BBOX1: variants seen among roughly 807,000 people sequenced by gnomAD.
BBOX1 encodes the protein gamma-butyrobetaine hydroxylase 1.
In BBOX1, 35 loss-of-function variants were observed where a neutral mutation model predicts 41.6. The observed-to-expected ratio is 0.84, with a 90% CI of 0.64 to 1.11. The LOEUF (loss-of-function observed/expected upper bound fraction) is 1.11, where lower values mean the gene tolerates loss of function less well. Among genes scored for constraint, BBOX1 ranks in the 50% most tolerant of loss-of-function variants. BBOX1 has a pLI of 0.00. For synonymous variants in BBOX1, 163 were observed against 154.7 expected (o/e 1.05, Z -0.40); for missense variants, 458 against 460.6 (o/e 0.99, Z 0.05).
intron 2 of BBOX1, among the ~76,000 whole-genome samples, chr11:27,047,989 T>C (rs1163710279): frequency 6.6e-6 from 1 of 152,172 alleles, no homozygotes; most frequent in African/African-American, 2.4e-5. Flanking sequence ...TTGAGGTAAA[T>C]TGACAAATAA....
intron 4 of BBOX1, among the ~76,000 whole-genome samples, chr11:27,092,604 A>G (rs1858286990): frequency 6.6e-6 from 1 of 152,002 alleles, no homozygotes; most frequent in Non-Finnish European, 1.5e-5. Flanking sequence ...TATGCATTCC[A>G]GGAATATACC....
intron 4 of BBOX1, among the ~76,000 whole-genome samples, chr11:27,078,987 T>C (rs531652694): frequency 1.2e-4 from 18 of 152,186 alleles, no homozygotes; most frequent in Non-Finnish European, 2.5e-4. Flanking sequence ...AGATCCTTTC[T>C]GTCTCCCCTT....
intron 4 of BBOX1, among the ~76,000 whole-genome samples, chr11:27,062,056 G>A (rs2197192): frequency 6.6e-6 from 1 of 152,186 alleles, no homozygotes; most frequent in African/African-American, 2.4e-5. Context: ...TTGAAGGGAT[G>A]AAGGAATGAT....
At chr11:27,047,909 T>C (rs1244679165) in intron 2 of BBOX1, among the ~76,000 whole-genome samples, 2 of 152,188 alleles carry the variant, frequency 1.3e-5, no homozygotes. Context: ...ACTACTATTG[T>C]AATCTTACCG....
At chr11:27,069,323 T>C (rs2133988786) in intron 4 of BBOX1, among the ~76,000 whole-genome samples, 1 of 152,090 alleles carries the variant, frequency 6.6e-6, no homozygotes, top group East Asian at 1.9e-4. Flanking sequence ...TCCTGGATTT[T>C]GTTTTGCAGC....
At chr11:27,090,880 C>T (rs754057344) in intron 4 of BBOX1, among the ~76,000 whole-genome samples, 1 of 151,906 alleles carries the variant, frequency 6.6e-6, no homozygotes. Flanking sequence ...TTAGCGATCT[C>T]TTCCCTACTT....
intron 4 of BBOX1, among the ~76,000 whole-genome samples, chr11:27,068,332 T>C (rs1201534216): frequency 2.6e-5 from 4 of 152,192 alleles, no homozygotes; most frequent in African/African-American, 4.8e-5. Flanking sequence ...CTAGTGATGC[T>C]GAGCATTTTT....
intron 4 of BBOX1, among the ~76,000 whole-genome samples, chr11:27,069,852 G>A (rs1156863300): frequency 6.6e-6 from 1 of 152,084 alleles, no homozygotes; most frequent in Non-Finnish European, 1.5e-5. Context: ...CTAAAGGGAT[G>A]CTGAATTTTA....
At chr11:27,053,897 A>C (rs1455714736) in intron 2 of BBOX1, among the ~76,000 whole-genome samples, 1 of 152,184 alleles carries the variant, frequency 6.6e-6, no homozygotes, top group African/African-American at 2.4e-5. Context: ...ATTGTATTTC[A>C]CACATGCAAT....
At chr11:27,092,956 G>A (rs546135194) in intron 4 of BBOX1, among the ~76,000 whole-genome samples, 116 of 152,040 alleles carry the variant, frequency 7.6e-4, no homozygotes, top group African/African-American at 2.3e-3. Flanking sequence ...CTATGGGCCA[G>A]ACACAGTTAT....
chr11:27,080,772 T>C (rs996001140), intron 4 of BBOX1, among the ~76,000 whole-genome samples: 1 of 152,062 alleles, frequency 6.6e-6, no homozygotes, highest in Non-Finnish European at 1.5e-5. Context: ...TGTGGAAGAT[T>C]TGAGGATAGA....
intron 4 of BBOX1, among the ~76,000 whole-genome samples, chr11:27,079,310 A>G (rs1857751316): frequency 6.6e-6 from 1 of 152,204 alleles, no homozygotes. Context: ...ATTCCAATCA[A>G]GAATATAGAA....
intron 4 of BBOX1, among the ~76,000 whole-genome samples, chr11:27,080,938 T>C (rs1243532831): frequency 6.6e-6 from 1 of 152,184 alleles, no homozygotes; most frequent in Non-Finnish European, 1.5e-5. Context: ...AAATTCTTGA[T>C]AGATATTATC....
chr11:27,103,238 G>C (rs561597679), intron 5 of BBOX1, among the ~76,000 whole-genome samples: 1 of 152,220 alleles, frequency 6.6e-6, no homozygotes, highest in Non-Finnish European at 1.5e-5. Flanking sequence ...TGTTGTTGTT[G>C]TTTAAAGTCT....
At chr11:27,049,229 T>G (rs1200609197) in intron 2 of BBOX1, among the ~76,000 whole-genome samples, 1 of 152,048 alleles carries the variant, frequency 6.6e-6, no homozygotes, top group African/African-American at 2.4e-5. Flanking sequence ...CTCCATATTC[T>G]CACCAAGACT....
At chr11:27,093,445 T>C (rs1858323144) in intron 5 of BBOX1, 79 bp downstream of exon 5, 12 of 1,401,726 alleles carry the variant, frequency 8.6e-6, no homozygotes, top group Admixed American at 1.9e-5. Context: ...ACCGCCTTGA[T>C]TGAAGATACA....
intron 4 of BBOX1, among the ~76,000 whole-genome samples, chr11:27,063,373 A>C (rs902675113): frequency 6.6e-6 from 1 of 152,168 alleles, no homozygotes; most frequent in African/African-American, 2.4e-5. Flanking sequence ...CCCAACATAT[A>C]ACTGGCAGGA....
chr11:27,106,178 A>G (rs1176967667), intron 5 of BBOX1, among the ~76,000 whole-genome samples: 5 of 152,098 alleles, frequency 3.3e-5, no homozygotes, highest in Non-Finnish European at 7.3e-5. Context: ...AAGAAACTGC[A>G]TCAACTAACA....
In BBOX1 at chr11:27,048,719, G is replaced by C. The variant is rs184619047; in HGVS notation, c.-38-6674G>C. On this transcript the variant is annotated intron_variant, in intron 2 of 8. Coordinates refer to ENST00000263182, the MANE Select transcript of BBOX1 (RefSeq NM_003986.3). Reference sequence around the variant, plus strand: ...TGATTTCATTTCCTTAGACTATATGGCCAGTAATGATACTGCTGGAATGGT... The same window carrying C: ...TGATTTCATTTCCTTAGACTATATGCCCAGTAATGATACTGCTGGAATGGT... Among the ~76,000 whole-genome samples the C allele has an allele frequency of 1.0e-4, 15 of 148,864 alleles. No individual in the cohort carries two copies. The East Asian group carries it at 2.4e-3, about 23-fold the overall frequency.
Sources: allele counts gnomAD v4.1 joint callset (sites outside exome capture counted in the v4.1 genomes callset), GRCh38; gene constraint gnomAD v4.1.1; transcripts MANE v1.5; gene names NCBI Gene and HGNC (gene_info 2026-07-23, HGNC 2026-07-21).